The following OR2V2 variants were observed in gnomAD, a reference collection of about 807,000 sequenced individuals.
The protein encoded by OR2V2 is olfactory receptor 2V2.
For missense variants in OR2V2, 392 were observed against 392.2 expected (o/e 1.00, Z 0.00); for synonymous variants, 161 against 151.3 (o/e 1.06, Z -0.47).
intron 1 of OR2V2, among the ~76,000 whole-genome samples, chr5:181,151,393 C>G (rs1582195333): frequency 6.6e-6 from 1 of 152,290 alleles, no homozygotes; most frequent in Non-Finnish European, 1.5e-5. Context: ...GCAGGCGATG[C>G]CTTCGCCCTC....
At chr5:181,150,749 G>A (rs1288411515) in intron 1 of OR2V2, among the ~76,000 whole-genome samples, 1 of 152,164 alleles carries the variant, frequency 6.6e-6, no homozygotes, top group Non-Finnish European at 1.5e-5. Context: ...GCCGAGGTGG[G>A]AGGATTGCTT....
rs187448199 is a variant in OR2V2 at position 181,159,140 on chromosome 5, C to G, written c.*3250C>G. The G allele has an allele frequency of 1.3e-5, 2 of 152,228 alleles. No individual in the cohort carries two copies. The highest frequency in any genetic ancestry group is 1.3e-4 in the Admixed American group (2 of 15,288). The allele number at this position is 152,228 out of a possible 1,614,324, so 9.4% of individuals were successfully genotyped here. A position where few individuals can be genotyped will look rare whatever the true frequency, so the allele number is the denominator to read the frequency against. On this transcript the variant is annotated 3_prime_UTR_variant, in exon 2 of 2. Coordinates refer to ENST00000641492, the MANE Select transcript of OR2V2 (RefSeq NM_206880.2). The stretch of plus-strand genomic sequence containing the variant: ...TTCAGCTGGACAGGGTTTCTCATGT[C>G]TGTAATCCCAGCACTTTGGGAAGCC...
chr5:181,155,809 C>T lies in OR2V2; in HGVS notation c.867C>T (p.Leu289=), dbSNP rs1382041500. The stretch of plus-strand genomic sequence containing the variant: ...TCCTTACTCCCATGCTCAACCCCCT[C>T]ATTTACAGCTTGAGGAACAGGGAGG... ...YTVLTPMLNP[L]IYSLRNREVM... is the part of the protein sequence containing the mutation. Residue 289 remains leucine (L), a synonymous_variant, in exon 2 of 2, where the codon CTC becomes CTT. Coordinates refer to ENST00000641492, the MANE Select transcript of OR2V2 (RefSeq NM_206880.2). 1 of 1,614,210 alleles carries T rather than the reference C, an allele frequency of 6.2e-7. No individual in the cohort carries two copies.
chr5:181,148,612 G>T (rs1763155581), intron 1 of OR2V2, among the ~76,000 whole-genome samples: 1 of 152,234 alleles, frequency 6.6e-6, no homozygotes, highest in African/African-American at 2.4e-5. Flanking sequence ...TAGATGCCAG[G>T]CACTGGTCCA....
chr5:181,155,836 G>A lies in OR2V2; in HGVS notation c.894G>A (p.Val298=). 1 of 1,614,202 alleles carries A rather than the reference G, an allele frequency of 6.2e-7. No homozygotes were observed. The highest frequency in any genetic ancestry group is 8.5e-7 in the Non-Finnish European group (1 of 1,180,034). The part of the protein sequence containing the change: ...PLIYSLRNRE[V]MGALRKGLDR... ...TTTACAGCTTGAGGAACAGGGAGGT[G>A]ATGGGGGCACTGAGGAAGGGGCTGG... Residue 298 remains valine (V), a synonymous_variant, in exon 2 of 2, where the codon GTG becomes GTA. Coordinates refer to ENST00000641492, the MANE Select transcript of OR2V2 (RefSeq NM_206880.2).
chr5:181,148,190 C>T (rs531470600), intron 1 of OR2V2, among the ~76,000 whole-genome samples, 195 bp downstream of exon 1: 5 of 152,308 alleles, frequency 3.3e-5, no homozygotes, highest in African/African-American at 4.8e-5. Flanking sequence ...TCACTCTTCT[C>T]GTCTTGTTCC....
intron 1 of OR2V2, among the ~76,000 whole-genome samples, chr5:181,153,746 C>T (rs1324144150): frequency 6.6e-6 from 1 of 152,170 alleles, no homozygotes; most frequent in African/African-American, 2.4e-5. Context: ...TAGCAGGCTC[C>T]AAATAAATCC....
chr5:181,149,691 G>A (rs1763169449), intron 1 of OR2V2, among the ~76,000 whole-genome samples: 1 of 152,226 alleles, frequency 6.6e-6, no homozygotes, highest in Non-Finnish European at 1.5e-5. Context: ...GTCACAGAGA[G>A]ATGGACACGG....
Position 181,158,083 on chromosome 5 carries a change from C to T in OR2V2, c.*2193C>T, listed in dbSNP as rs1227531578. 2 of 152,156 alleles carry T rather than the reference C, an allele frequency of 1.3e-5. No individual in the cohort carries two copies. Among genetic ancestry groups the T allele is most frequent in the Non-Finnish European group, 2.9e-5 (2 of 68,036 alleles). 9.4% of individuals were successfully genotyped at this position (152,156 alleles called of 1,614,324 possible). On this transcript the variant is annotated 3_prime_UTR_variant, in exon 2 of 2. Coordinates refer to ENST00000641492, the MANE Select transcript of OR2V2 (RefSeq NM_206880.2). ...TAGGCTTGATGTCCTTAATTCATTT[C>T]CCGCACAAGGACCAGGGAATTCCAT...
rs1407229273 is a variant in OR2V2 at position 181,158,444 on chromosome 5, C to G, written c.*2554C>G. ...CTCAGCAGTTGGAGACCAACCTGGG[C>G]AACATGGTGAAACCCCATCTCTACA... On this transcript the variant is annotated 3_prime_UTR_variant, in exon 2 of 2. Transcript: ENST00000641492. 1 of 151,882 alleles carries G rather than the reference C, an allele frequency of 6.6e-6. No individual in the cohort carries two copies. The highest frequency in any genetic ancestry group is 2.4e-5 in the African/African-American group (1 of 41,302). The allele number at this position is 151,882 out of a possible 1,614,324, so 9.4% of individuals were successfully genotyped here.
rs576849518 is a variant in OR2V2, at chr5:181,147,678, G to A, written c.-342G>A. ...CAGGTGGGAATCCTGGGTGGGCTCA[G>A]GGCACTGCTCCTGGCTCCACCTCTC... On this transcript the variant is annotated 5_prime_UTR_variant, in exon 1 of 2. Coordinates refer to ENST00000641492, the MANE Select transcript of OR2V2 (RefSeq NM_206880.2). 2 of 280,896 alleles carry A rather than the reference G, an allele frequency of 7.1e-6. No individual in the cohort carries two copies. Among genetic ancestry groups the A allele is most frequent in the African/African-American group, 4.6e-5 (2 of 43,044 alleles). 17.4% of individuals were successfully genotyped at this position (280,896 alleles called of 1,614,324 possible). A position where few individuals can be genotyped will look rare whatever the true frequency, so the allele number is the denominator to read the frequency against.
intron 1 of OR2V2, 33 bp from the exon 2 acceptor site, chr5:181,154,886 A>G: frequency 8.6e-7 from 1 of 1,162,812 alleles, no homozygotes; most frequent in Non-Finnish European, 1.3e-6. Flanking sequence ...AAGAGATGTC[A>G]GTCAATGTAA....
Position 181,155,850 on chromosome 5 carries a change from G to A in OR2V2, c.908G>A (p.Arg303Lys), listed in dbSNP as rs1283079189. The change falls in exon 2 of 2, where the codon AGG (arginine) becomes AAG (lysine). Residue 303 changes from arginine (R) to lysine (K), a missense_variant. By Grantham distance (26) the Arg-to-Lys change is conservative. Transcript: ENST00000641492. ...LRNREVMGAL[R>K]KGLDRCRIGS... ...AACAGGGAGGTGATGGGGGCACTGA[G>A]GAAGGGGCTGGACCGCTGCAGGATC... 3 of 1,614,168 alleles carry A rather than the reference G, an allele frequency of 1.9e-6. No individual in the cohort carries two copies. Among genetic ancestry groups the A allele is most frequent in the Non-Finnish European group, 8.5e-7 (1 of 1,180,040 alleles).
chr5:181,158,519 T>A lies in OR2V2; in HGVS notation c.*2629T>A, dbSNP rs1279755. Reference sequence around the variant, plus strand: ...TGGTTACTTGGGAGGCTGAGTTCCTTGGGAGGCTGAGGCGGAAGGATTGCT... The same window carrying A: ...TGGTTACTTGGGAGGCTGAGTTCCTAGGGAGGCTGAGGCGGAAGGATTGCT... On this transcript the variant is annotated 3_prime_UTR_variant, in exon 2 of 2. Coordinates refer to ENST00000641492, the MANE Select transcript of OR2V2 (RefSeq NM_206880.2). 0.49 allele frequency: 74,077 copies of A among 151,974 alleles called. 18,252 individuals are homozygous for A. Among genetic ancestry groups the A allele is most frequent in the Admixed American group, 0.61 (9,357 of 15,286 alleles). 9.4% of individuals were successfully genotyped at this position (151,974 alleles called of 1,614,324 possible). A position where few individuals can be genotyped will look rare whatever the true frequency, so the allele number is the denominator to read the frequency against.
chr5:181,151,982 CAAAA>C (rs3044869), intron 1 of OR2V2, among the ~76,000 whole-genome samples: 2 of 93,376 alleles, frequency 2.1e-5, no homozygotes, highest in African/African-American at 3.4e-5. Context: ...GGCCCTGTCT[CAAAA>C]AAAAAAAAAA....
intron 1 of OR2V2, among the ~76,000 whole-genome samples, chr5:181,148,315 C>T (rs772551782): frequency 3.9e-5 from 6 of 152,020 alleles, no homozygotes; most frequent in African/African-American, 9.7e-5. Flanking sequence ...AGTGGTCCAC[C>T]GCAGGAAGAC....
chr5:181,152,092 T>C (rs750857303), intron 1 of OR2V2, among the ~76,000 whole-genome samples: 1 of 151,976 alleles, frequency 6.6e-6, no homozygotes, highest in Non-Finnish European at 1.5e-5. Flanking sequence ...AAAAATCACA[T>C]TCAGTGTCCC....
intron 1 of OR2V2, among the ~76,000 whole-genome samples, chr5:181,151,246 C>T (rs1763187619): frequency 6.6e-6 from 1 of 152,156 alleles, no homozygotes; most frequent in Non-Finnish European, 1.5e-5. Flanking sequence ...GATGAGACAT[C>T]CAGAGTCAGG....
Position 181,155,556 on chromosome 5 carries a change from T to A in OR2V2, c.614T>A (p.Val205Asp). ...LFEKVIFACCVFMLLFPFSII... is the reference protein window; with the variant it reads ...LFEKVIFACCDFMLLFPFSII... Reference sequence around the variant, plus strand: ...GAGAAGGTGATATTTGCTTGCTGTGTCTTCATGCTTCTCTTCCCATTCTCC... The same window carrying A: ...GAGAAGGTGATATTTGCTTGCTGTGACTTCATGCTTCTCTTCCCATTCTCC... The change falls in exon 2 of 2, where the codon GTC becomes GAC. Residue 205 changes from valine to aspartate, a missense_variant. By Grantham distance (152) the Val-to-Asp change is radical (BLOSUM62 -3). Transcript: ENST00000641492. 6.2e-7 allele frequency: 1 copy of A among 1,614,228 alleles called. No homozygotes were observed. The highest frequency in any genetic ancestry group is 8.5e-7 in the Non-Finnish European group (1 of 1,180,046).
Sources: allele counts gnomAD v4.1 joint callset (sites outside exome capture counted in the v4.1 genomes callset), GRCh38; gene constraint gnomAD v4.1.1; transcripts MANE v1.5; gene names NCBI Gene and HGNC (gene_info 2026-07-23, HGNC 2026-07-21).